SMARCC1: variants seen among roughly 807,000 people sequenced by gnomAD.
SMARCC1 encodes the protein SWI/SNF complex subunit SMARCC1.
In SMARCC1, 43 loss-of-function variants were observed where a neutral mutation model predicts 147.4. That is an observed-to-expected ratio of 0.29 (90% CI 0.23 to 0.38). The LOEUF (loss-of-function observed/expected upper bound fraction) is 0.38, where lower values mean the gene tolerates loss of function less well. SMARCC1 is among the 10% of genes least tolerant of loss of function. The pLI, the probability that SMARCC1 is intolerant of heterozygous loss-of-function variation, is 1.00. For synonymous variants in SMARCC1, 495 were observed against 484.4 expected, an observed-to-expected ratio of 1.02 and a Z score of -0.29; for missense variants, 1,119 against 1,381.1, an observed-to-expected ratio of 0.81 and a Z score of 3.01.
At chr3:47,686,023 C>T in intron 14 of SMARCC1, 26 bp downstream of exon 14, 2 of 1,609,260 alleles carry the variant, frequency 1.2e-6, no homozygotes, top group Non-Finnish European at 1.7e-6. Flanking sequence ...CAGTACCATG[C>T]TCACAGATGG....
intron 13 of SMARCC1, among the ~76,000 whole-genome samples, chr3:47,686,437 T>C (rs921051966): frequency 2.6e-5 from 4 of 152,172 alleles, no homozygotes; most frequent in South Asian, 2.1e-4. Flanking sequence ...AACAAGTTGA[T>C]TGAAGAAAGT....
At chr3:47,755,788 C>A (rs1315194665) in intron 2 of SMARCC1, among the ~76,000 whole-genome samples, 1 of 151,488 alleles carries the variant, frequency 6.6e-6, no homozygotes, top group South Asian at 2.1e-4. Flanking sequence ...GTCAGGAGTT[C>A]GAGACCAGCC....
intron 10 of SMARCC1, 157 bp from the exon 11 acceptor site, chr3:47,701,559 A>T: frequency 3.0e-6 from 2 of 669,826 alleles, no homozygotes; most frequent in Non-Finnish European, 5.1e-6. Context: ...TCATGCCTGT[A>T]ATCAGAGCAC....
intron 7 of SMARCC1, among the ~76,000 whole-genome samples, chr3:47,719,566 T>C (rs960795850): frequency 6.6e-6 from 1 of 151,242 alleles, no homozygotes. Context: ...CCAGGCATGG[T>C]TGGGGGGCAT....
intron 24 of SMARCC1, among the ~76,000 whole-genome samples, chr3:47,630,185 G>A (rs1220708409): frequency 5.8e-5 from 8 of 138,688 alleles, no homozygotes; most frequent in African/African-American, 8.1e-5. Context: ...GGGGTGGGGG[G>A]TGGGGGGTGG....
chr3:47,698,186 T>A (rs1317018503), intron 11 of SMARCC1, among the ~76,000 whole-genome samples: 2 of 151,496 alleles, frequency 1.3e-5, no homozygotes, highest in East Asian at 3.9e-4. Flanking sequence ...ACAAAAATCT[T>A]ACAATTAAAT....
intron 6 of SMARCC1, among the ~76,000 whole-genome samples, chr3:47,726,550 C>T (rs971916150): frequency 6.6e-6 from 1 of 152,140 alleles, no homozygotes; most frequent in African/African-American, 2.4e-5. Flanking sequence ...GTTAGGTACA[C>T]CCAGTGTTGC....
intron 14 of SMARCC1, among the ~76,000 whole-genome samples, chr3:47,682,951 T>C (rs1344845412): frequency 6.6e-6 from 1 of 152,176 alleles, no homozygotes; most frequent in Non-Finnish European, 1.5e-5. Flanking sequence ...GAGTAACAAA[T>C]GTAATGAAGA....
chr3:47,608,836 G>A (rs1023430142), intron 26 of SMARCC1, among the ~76,000 whole-genome samples: 1 of 133,782 alleles, frequency 7.5e-6, no homozygotes, highest in African/African-American at 3.0e-5. Context: ...ACAACAGAGC[G>A]AGACAGTGTC....
At chr3:47,656,990 A>G (rs1450201966) in intron 21 of SMARCC1, among the ~76,000 whole-genome samples, 2 of 152,234 alleles carry the variant, frequency 1.3e-5, no homozygotes, top group Admixed American at 1.3e-4. Context: ...AATATCAGGT[A>G]AGATAGACTT....
At chr3:47,672,672 G>C (rs1438645341) in intron 18 of SMARCC1, among the ~76,000 whole-genome samples, 2 of 152,116 alleles carry the variant, frequency 1.3e-5, no homozygotes, top group African/African-American at 2.4e-5. Flanking sequence ...CTACAACCTA[G>C]ACACAGACAT....
At chr3:47,748,325 T>C (rs1023052518) in intron 2 of SMARCC1, among the ~76,000 whole-genome samples, 4 of 152,104 alleles carry the variant, frequency 2.6e-5, no homozygotes, top group African/African-American at 9.7e-5. Context: ...GGAATTCTCG[T>C]ATCTCAGCCT....
At chr3:47,637,110 G>T (rs1274073621) in intron 22 of SMARCC1, among the ~76,000 whole-genome samples, 5 of 152,082 alleles carry the variant, frequency 3.3e-5, no homozygotes, top group African/African-American at 9.7e-5. Context: ...CAAAGTCCTA[G>T]TATCAAGTGA....
At chr3:47,718,167 A>G in intron 7 of SMARCC1, among the ~76,000 whole-genome samples, 1 of 141,368 alleles carries the variant, frequency 7.1e-6, no homozygotes, top group Admixed American at 7.2e-5. Context: ...AAAAAAGGCC[A>G]GGCACGGTGG....
Position 47,714,486 on chromosome 3 carries a change from C to A in SMARCC1, c.721G>T (p.Asp241Tyr). 6.5e-7 allele frequency: 1 copy of A among 1,533,510 alleles called. No individual in the cohort carries two copies. Among genetic ancestry groups the A allele is most frequent in the South Asian group, 1.2e-5 (1 of 86,896 alleles). 95.0% of individuals were successfully genotyped at this position (1,533,510 alleles called of 1,614,324 possible). ...VHWGFYPDSY[D>Y]TWVHSNDVDA... Reference sequence around the variant, plus strand: ...ACATCATTACTATGGACCCAAGTATCATAGCTATAAAGGAATCAAAATGAG... The same window carrying A: ...ACATCATTACTATGGACCCAAGTATAATAGCTATAAAGGAATCAAAATGAG... Residue 241 changes from aspartate to tyrosine, a missense_variant, in exon 8 of 28, where the codon GAT becomes TAT. Coordinates refer to ENST00000254480, the MANE Select transcript of SMARCC1 (RefSeq NM_003074.4).
At chr3:47,624,894 TAAA>T (rs60766054) in intron 24 of SMARCC1, among the ~76,000 whole-genome samples, 13 of 111,732 alleles carry the variant, frequency 1.2e-4, no homozygotes, top group African/African-American at 1.7e-4. Context: ...TACTAAAAAT[TAAA>T]AAAAAAAAAA....
intron 24 of SMARCC1, among the ~76,000 whole-genome samples, chr3:47,628,276 A>G (rs547430165): frequency 6.6e-6 from 1 of 152,234 alleles, no homozygotes; most frequent in Non-Finnish European, 1.5e-5. Context: ...TGCTTAGTTC[A>G]TATCACTGTG....
intron 9 of SMARCC1, among the ~76,000 whole-genome samples, chr3:47,707,655 C>A (rs921951799): frequency 1.2e-4 from 18 of 152,228 alleles, no homozygotes; most frequent in African/African-American, 4.8e-5. Context: ...GGGGGGAATG[C>A]TTGAGCCCAG....
intron 5 of SMARCC1, among the ~76,000 whole-genome samples, chr3:47,731,765 G>A (rs1005953489): frequency 2.6e-5 from 4 of 152,120 alleles, no homozygotes; most frequent in Admixed American, 2.6e-4. Context: ...CTCTACAGTG[G>A]GCTTAAAGTA....
Sources: gnomAD v4.1 joint callset for allele counts (sites outside exome capture counted in the v4.1 genomes callset) on GRCh38, gnomAD v4.1.1 for gene constraint, MANE v1.5 for transcripts, NCBI Gene and HGNC (gene_info 2026-07-23, HGNC 2026-07-21) for gene names.